The following NUP210L variants were observed in gnomAD, a reference collection of about 807,000 sequenced individuals.
The protein encoded by NUP210L is nucleoporin 210 like.
In NUP210L, 74 loss-of-function variants were observed where a neutral mutation model predicts 208.5. That is an observed-to-expected ratio of 0.35 (90% confidence interval 0.29 to 0.43). NUP210L has a LOEUF of 0.43. Ranked by LOEUF, NUP210L falls within the 20% of genes least tolerant of loss-of-function variation. The probability of loss-of-function intolerance (pLI) is 1.00; values close to 1 mark genes in which losing one functional copy is unlikely to be tolerated. For missense variants in NUP210L, 1,843 were observed against 2,289.4 expected (o/e 0.81, Z 3.98); for synonymous variants, 780 against 816.9 (o/e 0.95, Z 0.77).
intron 3 of NUP210L, among the ~76,000 whole-genome samples, chr1:154,142,023 G>A (rs150103089): frequency 0.013 from 2,018 of 152,050 alleles, 44 homozygotes; most frequent in African/African-American, 0.045. Flanking sequence ...CAGGTATGGT[G>A]GCCTGCACCT....
exon 3 of NUP210L, chr1:154,143,559 C>T (rs1658964004): frequency 1.2e-6 from 2 of 1,613,544 alleles, no homozygotes; most frequent in Non-Finnish European, 1.7e-6. Context: ...AACATCACAG[C>T]GTAGCTCATG....
intron 35 of NUP210L, among the ~76,000 whole-genome samples, chr1:154,007,593 A>T (rs1478993252): frequency 6.6e-6 from 1 of 150,792 alleles, no homozygotes; most frequent in Non-Finnish European, 1.5e-5. Flanking sequence ...TATTTATTGA[A>T]ACAGAGTCTC....
intron 37 of NUP210L, chr1:153,996,069 G>A (rs1056959987): frequency 1.2e-5 from 4 of 331,306 alleles, no homozygotes; most frequent in Non-Finnish European, 2.4e-5. Flanking sequence ...AAGGCGGGTG[G>A]ATCACAAGGT....
chr1:154,046,086 C>T, exon 27 of NUP210L: 2 of 1,614,074 alleles, frequency 1.2e-6, no homozygotes, highest in Admixed American at 1.7e-5. Flanking sequence ...TGCCTGGGCA[C>T]TAGATCCAAT....
chr1:154,129,849 C>T (rs1469809715), intron 7 of NUP210L, among the ~76,000 whole-genome samples: 1 of 152,132 alleles, frequency 6.6e-6, no homozygotes, highest in African/African-American at 2.4e-5. Context: ...TGTTTAATAC[C>T]AAAATGTTCT....
chr1:154,145,291 G>A (rs942412312), intron 2 of NUP210L, among the ~76,000 whole-genome samples: 25 of 151,700 alleles, frequency 1.6e-4, no homozygotes, highest in African/African-American at 5.6e-4. Context: ...GGTGGTGCAC[G>A]CCTGTAGTCC....
intron 38 of NUP210L, among the ~76,000 whole-genome samples, chr1:153,993,992 C>T (rs1347217505): frequency 6.6e-6 from 1 of 152,134 alleles, no homozygotes; most frequent in African/African-American, 2.4e-5. Flanking sequence ...GAAATCCTGC[C>T]TCAGCTTCCC....
exon 15 of NUP210L, chr1:154,095,021 T>C: frequency 6.2e-7 from 1 of 1,614,166 alleles, no homozygotes. Flanking sequence ...GCTATTCCAA[T>C]CTTCTCTGTC....
chr1:154,091,926 T>C (rs1026831092), intron 15 of NUP210L, among the ~76,000 whole-genome samples: 4 of 151,942 alleles, frequency 2.6e-5, no homozygotes, highest in East Asian at 1.9e-4. Context: ...CTTGAGAACA[T>C]TATGTTAAGT....
At chr1:154,054,878 AT>A in intron 23 of NUP210L, 46 bp from the exon 24 acceptor site, 1 of 1,303,462 alleles carries the variant, frequency 7.7e-7, no homozygotes, top group Non-Finnish European at 1.1e-6. Flanking sequence ...ACTAGAGTCA[AT>A]TTTATAACAT....
chr1:154,064,559 C>T (rs1245994626), intron 17 of NUP210L, among the ~76,000 whole-genome samples: 4 of 152,084 alleles, frequency 2.6e-5, no homozygotes, highest in Non-Finnish European at 4.4e-5. Context: ...CCCTGAAGCT[C>T]TCAAGTCTTC....
chr1:153,993,983 A>T (rs4845359), intron 38 of NUP210L, among the ~76,000 whole-genome samples: 2 of 152,150 alleles, frequency 1.3e-5, no homozygotes, highest in South Asian at 4.1e-4. Context: ...CTGTCTCAAG[A>T]AATCCTGCCT....
At chr1:154,057,133 C>T (rs902481723) in intron 22 of NUP210L, among the ~76,000 whole-genome samples, 186 bp from the exon 23 acceptor site, 5 of 152,100 alleles carry the variant, frequency 3.3e-5, no homozygotes, top group Non-Finnish European at 7.4e-5. Flanking sequence ...CACATACCAT[C>T]ACTCCTGGCT....
chr1:154,154,060 A>G (rs1206592196), intron 1 of NUP210L, among the ~76,000 whole-genome samples: 1 of 152,068 alleles, frequency 6.6e-6, no homozygotes, highest in African/African-American at 2.4e-5. Context: ...CCAGAAAATC[A>G]TGTCTCTTCA....
chr1:154,099,743 A>G (rs961209232), intron 14 of NUP210L, among the ~76,000 whole-genome samples: 2 of 152,250 alleles, frequency 1.3e-5, no homozygotes, highest in African/African-American at 2.4e-5. Flanking sequence ...TCAGTAAAAA[A>G]GAAGAAAGGA....
At chr1:154,071,833 T>C (rs1654750303) in intron 16 of NUP210L, among the ~76,000 whole-genome samples, 1 of 151,944 alleles carries the variant, frequency 6.6e-6, no homozygotes, top group East Asian at 1.9e-4. Flanking sequence ...AGACGGGATT[T>C]CACCATGTTA....
intron 13 of NUP210L, among the ~76,000 whole-genome samples, chr1:154,100,447 T>TAA (rs796143273): frequency 2.1e-4 from 20 of 95,748 alleles, no homozygotes; most frequent in Non-Finnish European, 3.4e-4. Context: ...AGACCTTACC[T>TAA]AAAAAAAAAA....
intron 33 of NUP210L, 106 bp downstream of exon 33, chr1:154,018,827 G>A (rs1651403624): frequency 7.6e-7 from 1 of 1,322,602 alleles, no homozygotes. Flanking sequence ...CTTTATATCT[G>A]TTTTATGAGT....
intron 15 of NUP210L, among the ~76,000 whole-genome samples, chr1:154,094,357 C>T (rs144704567): frequency 0.01 from 1,530 of 152,184 alleles, 27 homozygotes; most frequent in African/African-American, 0.036. Context: ...ACTCAGGAGG[C>T]TGAGGCATAA....
Sources: allele counts gnomAD v4.1 joint callset (sites outside exome capture counted in the v4.1 genomes callset), GRCh38; gene constraint gnomAD v4.1.1; transcripts MANE v1.5; gene names NCBI Gene and HGNC (gene_info 2026-07-23, HGNC 2026-07-21).